CARS1: variants seen among roughly 807,000 people sequenced by gnomAD.
CARS1 encodes cysteinyl-tRNA synthetase 1, also known as cysteine--tRNA ligase, cytoplasmic.
Under a neutral mutation model 106.2 loss-of-function variants are expected in CARS1, and 48 were observed. That is an observed-to-expected ratio of 0.45 (90% CI 0.36 to 0.57). The LOEUF (loss-of-function observed/expected upper bound fraction) is 0.57. CARS1 is among the 20% of genes least tolerant of loss of function. CARS1 has a pLI of 0.00. For synonymous variants in CARS1, 409 were observed against 403.4 expected (o/e 1.01, Z -0.17); for missense variants, 968 against 1,057.2 (o/e 0.92, Z 1.17).
rs767507880 is a variant in CARS1, at chr11:3,018,743, A to T, written c.1402T>A (p.Phe468Ile). The change falls in exon 13 of 23, where the codon TTT becomes ATT. Residue 468 changes from phenylalanine to isoleucine, a missense_variant. Phe to Ile is a conservative substitution (Grantham distance 21). Transcript: ENST00000380525. ...DNELAQSEAY[F>I]ENDCWVRYFL... Reference sequence around the variant, plus strand: ...TACCTGACCCAGCAGTCGTTTTCAAAGTAGGCCTGCGTGGAAAGAGACAAA... The same window carrying T: ...TACCTGACCCAGCAGTCGTTTTCAATGTAGGCCTGCGTGGAAAGAGACAAA... 1.2e-6 allele frequency: 2 copies of T among 1,613,642 alleles called. No individual in the cohort carries two copies. Among genetic ancestry groups the T allele is most frequent in the Non-Finnish European group, 1.7e-6 (2 of 1,179,724 alleles).
chr11:3,049,166 G>A (rs1213680091), intron 1 of CARS1, among the ~76,000 whole-genome samples: 2 of 151,932 alleles, frequency 1.3e-5, no homozygotes, highest in Non-Finnish European at 2.9e-5. Flanking sequence ...CCAGGCTGGA[G>A]TGCAGTGGTG....
rs1475608567 is a variant in CARS1, at chr11:3,045,144, A to G, written c.274+2609T>C. 5.9e-5 allele frequency among the ~76,000 whole-genome samples: 9 copies of G among 152,152 alleles called. No homozygotes were observed. Among genetic ancestry groups the G allele is most frequent in the Admixed American group, 5.2e-4 (8 of 15,280 alleles). On this transcript the variant is annotated intron_variant, in intron 2 of 22. Transcript: ENST00000380525. This position sits in a 1 kb window ranked among gnomAD's most constrained non-coding sequence, Gnocchi z 5.6. ...GGGTGAGAAGTGCTCAACAAGTTCA[A>G]CGTCCTGATATCCAGTGGACCTCCG...
At chr11:3,026,524 A>T (rs1852093745) in intron 10 of CARS1, 152 bp downstream of exon 10, 1 of 716,708 alleles carries the variant, frequency 1.4e-6, no homozygotes, top group Admixed American at 2.8e-5. Flanking sequence ...TGTTGAGTGC[A>T]GAAAACTCCT....
chr11:3,036,620 C>G (rs1410087522), intron 7 of CARS1, among the ~76,000 whole-genome samples: 1 of 152,186 alleles, frequency 6.6e-6, no homozygotes, highest in Non-Finnish European at 1.5e-5. Flanking sequence ...ACGGTGGTTA[C>G]GCAGAATATC....
Position 3,017,649 on chromosome 11 carries a change from G to GA in CARS1, c.1727+207dup. 1 of 571,148 alleles carries GA rather than the reference G, an allele frequency of 1.8e-6. No homozygotes were observed. Among genetic ancestry groups the GA allele is most frequent in the South Asian group, 2.4e-5 (1 of 42,100 alleles). 35.4% of individuals were successfully genotyped at this position (571,148 alleles called of 1,614,324 possible). ...CAAGGGCGAAACTCCGTCTCAAAAA[G>GA]AAAAAACAAAAAAGAAATTCTCCAT... On this transcript the variant is annotated intron_variant, in intron 15 of 22. Transcript: ENST00000380525. The surrounding 1 kb of genome is among the most constrained non-coding windows in gnomAD (Gnocchi z 4.9).
chr11:3,026,842 G>T (rs769400751), intron 9 of CARS1, 45 bp from the exon 10 acceptor site: 43 of 1,582,484 alleles, frequency 2.7e-5, no homozygotes, highest in Non-Finnish European at 3.7e-5. Flanking sequence ...TAACAGACCC[G>T]AAAGTGTGTC....
rs771414653 is a variant in CARS1 at position 3,048,022 on chromosome 11, T to C, written c.26-21A>G. 1.2e-6 allele frequency: 2 copies of C among 1,606,290 alleles called. No homozygotes were observed. Among genetic ancestry groups the C allele is most frequent in the South Asian group, 1.1e-5 (1 of 90,946 alleles). ...AGGAGCTGCAAAGACAGAGGGCACA[T>C]GGTGTCAGGCAGGCAGGCGGGCAGC... is the stretch of plus-strand genomic sequence containing the variant. On this transcript the variant is annotated intron_variant, in intron 1 of 22. Coordinates refer to ENST00000380525, the MANE Select transcript of CARS1 (RefSeq NM_001014437.3). The surrounding 1 kb of genome is among the most constrained non-coding windows in gnomAD (Gnocchi z 5.1).
chr11:3,033,974 G>A (rs1165617617), intron 7 of CARS1, among the ~76,000 whole-genome samples: 1 of 152,142 alleles, frequency 6.6e-6, no homozygotes, highest in Non-Finnish European at 1.5e-5. Flanking sequence ...TAGAGATAGA[G>A]TCTCACTATG....
At chr11:3,016,396 A>T (rs1329819549) in intron 16 of CARS1, among the ~76,000 whole-genome samples, 1 of 150,848 alleles carries the variant, frequency 6.6e-6, no homozygotes, top group East Asian at 2.0e-4. Flanking sequence ...AGTTTTTTGT[A>T]TTTTTTTTAG....
rs573809343 is a variant in CARS1 at position 3,041,008 on chromosome 11, C to T, written c.367-24G>A. 2.5e-5 allele frequency: 40 copies of T among 1,613,890 alleles called. No individual in the cohort carries two copies. The African/African-American group carries it at 4.1e-4, about 17-fold the overall frequency. Reference sequence around the variant, plus strand: ...TCCTTTGTTAGGAATGAAGGAATGACGATCACAAGAAATGCAAGAAACACT... The same window carrying T: ...TCCTTTGTTAGGAATGAAGGAATGATGATCACAAGAAATGCAAGAAACACT... On this transcript the variant is annotated intron_variant, in intron 3 of 22. Transcript: ENST00000380525. The surrounding 1 kb of genome is among the most constrained non-coding windows in gnomAD (Gnocchi z 4.9).
rs1849709428 is a variant in CARS1, at chr11:3,004,869, A to T, written c.2217+497T>A. 6.6e-6 allele frequency among the ~76,000 whole-genome samples: 1 copy of T among 152,136 alleles called. No homozygotes were observed. The highest frequency in any genetic ancestry group is 2.4e-5 in the African/African-American group (1 of 41,430). ...AAGCCTGTAATCCCAGCACTTTGGG[A>T]GGCCAAGGTGGGTGGATCACGAGGT... On this transcript the variant is annotated intron_variant, in intron 20 of 22. Coordinates refer to ENST00000380525, the MANE Select transcript of CARS1 (RefSeq NM_001014437.3). The surrounding 1 kb of genome is among the most constrained non-coding windows in gnomAD (Gnocchi z 5.2).
At chr11:3,042,338 T>C (rs1590517785) in intron 2 of CARS1, 82 bp from the exon 3 acceptor site, 1 of 907,634 alleles carries the variant, frequency 1.1e-6, no homozygotes, top group East Asian at 2.5e-5. Flanking sequence ...AGACTTGGTT[T>C]TTACAACGGG....
intron 20 of CARS1, among the ~76,000 whole-genome samples, 189 bp downstream of exon 20, chr11:3,005,177 G>A (rs1403073945): frequency 6.6e-6 from 1 of 151,542 alleles, no homozygotes; most frequent in Admixed American, 6.6e-5. Flanking sequence ...CTTAAACTGA[G>A]GGAATAATCT....
intron 10 of CARS1, among the ~76,000 whole-genome samples, chr11:3,025,908 C>A (rs1852023376): frequency 6.6e-6 from 1 of 152,212 alleles, no homozygotes; most frequent in Middle Eastern, 3.2e-3. Context: ...CTCACATGCT[C>A]AGCCAGCAAA....
chr11:3,031,276 G>A (rs1852726377), intron 7 of CARS1: 1 of 152,100 alleles, frequency 6.6e-6, no homozygotes, highest in African/African-American at 2.4e-5. Context: ...TCAAAGAAAA[G>A]TAATTTGAAG....
Position 3,001,891 on chromosome 11 carries a change from G to A in CARS1, c.2361+79C>T, listed in dbSNP as rs887267803. On this transcript the variant is annotated intron_variant, in intron 22 of 22. Coordinates refer to ENST00000380525, the MANE Select transcript of CARS1 (RefSeq NM_001014437.3). ...ACAGACAGAAAATCTGCTTGTCCAA[G>A]GTTGAAAATTCCTGTCCTCCCACTT... The A allele has an allele frequency of 2.6e-5, 29 of 1,128,914 alleles. No individual in the cohort carries two copies. The African/African-American group carries it at 3.2e-4, about 12-fold the overall frequency. 69.9% of individuals were successfully genotyped at this position (1,128,914 alleles called of 1,614,324 possible). A position where few individuals can be genotyped will look rare whatever the true frequency, so the allele number is the denominator to read the frequency against.
chr11:3,005,512 GCCCT>G, intron 19 of CARS1, 79 bp from the exon 20 acceptor site: 1 of 1,122,878 alleles, frequency 8.9e-7, no homozygotes, highest in South Asian at 1.3e-5. Context: ...GCCCTGCCCT[GCCCT>G]GCCCAGACCA....
At chr11:3,042,629 T>C (rs1167343844) in intron 2 of CARS1, among the ~76,000 whole-genome samples, 1 of 152,182 alleles carries the variant, frequency 6.6e-6, no homozygotes, top group African/African-American at 2.4e-5. Context: ...GCCCAGCACA[T>C]TCCACTGCTC....
intron 21 of CARS1, 189 bp downstream of exon 21, chr11:3,002,352 G>T: frequency 9.2e-7 from 1 of 1,090,848 alleles, no homozygotes; most frequent in East Asian, 2.4e-5. Context: ...CCCTTGGCCA[G>T]GCCTTCCCTG....
Sources: allele counts gnomAD v4.1 joint callset (sites outside exome capture counted in the v4.1 genomes callset), GRCh38; gene constraint gnomAD v4.1.1; non-coding constraint Gnocchi (gnomAD v3.1); transcripts MANE v1.5; gene names NCBI Gene and HGNC (gene_info 2026-07-23, HGNC 2026-07-21).